IFNAR2: variants seen among roughly 807,000 people sequenced by gnomAD.
The protein encoded by IFNAR2 is interferon alpha and beta receptor subunit 2, also known as interferon alpha/beta receptor 2.
IFNAR2 carries 30 observed loss-of-function variants against 49.4 expected under a neutral mutation model. That is an observed-to-expected ratio of 0.61 (90% CI 0.45 to 0.82). The LOEUF (loss-of-function observed/expected upper bound fraction) is 0.82. IFNAR2 is among the 40% of genes least tolerant of loss of function. The pLI, the probability that IFNAR2 is intolerant of heterozygous loss-of-function variation, is 0.00. For synonymous variants in IFNAR2, 224 were observed against 234.5 expected (o/e 0.96, Z 0.41); for missense variants, 600 against 622.7 (o/e 0.96, Z 0.39).
chr21:33,236,897 C>A (rs1986504107), intron 1 of IFNAR2: 1 of 984,874 alleles, frequency 1.0e-6, no homozygotes, highest in Non-Finnish European at 1.2e-6. Flanking sequence ...GAAGACTGAT[C>A]TATTTGTAGT....
rs143123911 is a variant in IFNAR2 at position 33,257,170 on chromosome 21, A to G, written c.710-3427A>G. 4.6e-5 allele frequency among the ~76,000 whole-genome samples: 7 copies of G among 152,320 alleles called. No homozygotes were observed. In the East Asian group the frequency reaches 1.4e-3, roughly 29 times the overall value. On this transcript the variant is annotated intron_variant, in intron 7 of 8. Coordinates refer to ENST00000342136, the MANE Select transcript of IFNAR2 (RefSeq NM_001289125.3). ...GCCAGTCAGTTACTGGTGGTGATCT[A>G]TGGCATGGCCTCCAGATGAGGCAGC...
chr21:33,252,091 TC>T, intron 6 of IFNAR2: 1 of 441,744 alleles, frequency 2.3e-6, no homozygotes, highest in Admixed American at 2.6e-5. Flanking sequence ...CATCTATCTA[TC>T]TATCTATCTA....
At chr21:33,235,401 GA>G (rs1486247165) in intron 1 of IFNAR2, among the ~76,000 whole-genome samples, 3 of 152,120 alleles carry the variant, frequency 2.0e-5, no homozygotes, top group African/African-American at 7.2e-5. Flanking sequence ...ATAACTCTAG[GA>G]AAAACTGGAA....
At chr21:33,254,859 G>A (rs1216817443) in intron 7 of IFNAR2, among the ~76,000 whole-genome samples, 2 of 152,148 alleles carry the variant, frequency 1.3e-5, no homozygotes, top group East Asian at 3.8e-4. Flanking sequence ...CTGGGGCTGT[G>A]TCATGGGCCA....
At chr21:33,240,809 C>CT (rs35415658) in intron 1 of IFNAR2, among the ~76,000 whole-genome samples, 150,139 of 150,144 alleles carry the variant, frequency 1, 75,067 homozygotes, top group Non-Finnish European at 1. Flanking sequence ...CAGCAAGACC[C>CT]GTCTCAAAAA....
intron 1 of IFNAR2, among the ~76,000 whole-genome samples, chr21:33,240,347 G>A (rs1986829048): frequency 6.6e-6 from 1 of 152,138 alleles, no homozygotes; most frequent in African/African-American, 2.4e-5. Context: ...TTATAGCCTA[G>A]GAACAATAGT....
At chr21:33,255,766 A>G (rs986612793) in intron 7 of IFNAR2, among the ~76,000 whole-genome samples, 3 of 152,174 alleles carry the variant, frequency 2.0e-5, no homozygotes, top group African/African-American at 4.8e-5. Flanking sequence ...ATAGAGGTCA[A>G]ATGGGGGAGC....
chr21:33,252,465 C>T (rs951814936), intron 6 of IFNAR2, 197 bp from the exon 7 acceptor site: 13 of 984,636 alleles, frequency 1.3e-5, no homozygotes, highest in Non-Finnish European at 1.6e-5. Context: ...TGTGTGTGTG[C>T]AGGTGTATAT....
chr21:33,262,680 G>A (rs1261575857), intron 8 of IFNAR2, 113 bp from the exon 9 acceptor site: 3 of 1,448,200 alleles, frequency 2.1e-6, no homozygotes, highest in Non-Finnish European at 2.9e-6. Flanking sequence ...CCAGTAGCTG[G>A]GATTACAAGC....
chr21:33,249,139 T>G (rs1321446819), intron 6 of IFNAR2, among the ~76,000 whole-genome samples: 1 of 150,398 alleles, frequency 6.6e-6, no homozygotes, highest in Non-Finnish European at 1.5e-5. Context: ...AGGTCAGGAG[T>G]TTGAGACCAG....
rs1187571589 is a variant in IFNAR2 at position 33,230,815 on chromosome 21, C to G, written c.-84+599C>G. 6.6e-6 allele frequency among the ~76,000 whole-genome samples: 1 copy of G among 152,098 alleles called. No homozygotes were observed. Among genetic ancestry groups the G allele is most frequent in the African/African-American group, 2.4e-5 (1 of 41,392 alleles). Reference sequence around the variant, plus strand: ...GTGGCCGCGGAGACAGAAGGGTGCACCCTCCCAGGGTCGGAGAGGGGAGAT... The same window carrying G: ...GTGGCCGCGGAGACAGAAGGGTGCAGCCTCCCAGGGTCGGAGAGGGGAGAT... On this transcript the variant is annotated intron_variant, in intron 1 of 8. Transcript: ENST00000342136. The surrounding 1 kb of genome is among the most constrained non-coding windows in gnomAD (Gnocchi z 5.5).
chr21:33,233,061 C>A, intron 1 of IFNAR2: 1 of 447,710 alleles, frequency 2.2e-6, no homozygotes, highest in Non-Finnish European at 3.0e-6. Context: ...AAATATAAAT[C>A]CAATAAAACA....
intron 7 of IFNAR2, 22 bp downstream of exon 7, chr21:33,252,852 C>G: frequency 6.3e-7 from 1 of 1,590,356 alleles, no homozygotes. Context: ...TTTTTAAATT[C>G]ATGTTTTGAG....
At chr21:33,249,597 C>G (rs1247512498) in intron 6 of IFNAR2, among the ~76,000 whole-genome samples, 1 of 152,182 alleles carries the variant, frequency 6.6e-6, no homozygotes, top group Non-Finnish European at 1.5e-5. Flanking sequence ...GGACCTGACT[C>G]TCAGTAACCT....
chr21:33,229,948 T>C lies in IFNAR2; in HGVS notation c.-352T>C, dbSNP rs1345841546. 7.1e-6 allele frequency: 7 copies of C among 983,418 alleles called. No individual in the cohort carries two copies. Among genetic ancestry groups the C allele is most frequent in the Non-Finnish European group, 8.4e-6 (7 of 829,310 alleles). 60.9% of individuals were successfully genotyped at this position (983,418 alleles called of 1,614,324 possible). ...GGCGCCCGCGCTTCCGTATCGCTCC[T>C]CGTAGGCCGGGGCTCGGCGCGCGCA... On this transcript the variant is annotated 5_prime_UTR_variant, in exon 1 of 9. Transcript: ENST00000342136.
In IFNAR2 at chr21:33,263,249, A is replaced by G. The variant is rs1988766436; in HGVS notation, c.1297A>G (p.Arg433Gly). The G allele has an allele frequency of 1.9e-6, 3 of 1,614,038 alleles. No individual in the cohort carries two copies. Among genetic ancestry groups the G allele is most frequent in the Non-Finnish European group, 2.5e-6 (3 of 1,180,042 alleles). The change falls in exon 9 of 9, where the codon AGA becomes GGA. Residue 433 changes from arginine to glycine, a missense_variant. Coordinates refer to ENST00000342136, the MANE Select transcript of IFNAR2 (RefSeq NM_001289125.3). ...TGTGGACTTAAACTCTGTGTTTTTG[A>G]GAGTTCTTGATGACGAGGACAGTGA... ...FNVDLNSVFL[R>G]VLDDEDSDDL...
At position 33,245,018 on chromosome 21, in the gene IFNAR2, A is replaced by C. The variant is rs1453614680; in HGVS notation, c.165A>C (p.Glu55Asp). 3 of 1,610,614 alleles carry C rather than the reference A, an allele frequency of 1.9e-6. No individual in the cohort carries two copies. Among genetic ancestry groups the C allele is most frequent in the East Asian group, 2.2e-5 (1 of 44,864 alleles). Residue 55 changes from glutamate to aspartate, a missense_variant, in exon 4 of 9, where the codon GAA becomes GAC. By Grantham distance (45) the Glu-to-Asp change is conservative (BLOSUM62 2). Coordinates refer to ENST00000342136, the MANE Select transcript of IFNAR2 (RefSeq NM_001289125.3). ...LRNFRSILSW[E>D]LKNHSIVPTH... ...ATTTCCGGTCCATCTTATCATGGGAATTAAAAAACCACTCCATTGTACCAA... is the reference window on the plus strand; with the variant it reads ...ATTTCCGGTCCATCTTATCATGGGACTTAAAAAACCACTCCATTGTACCAA...
chr21:33,255,104 A>G (rs927940023), intron 7 of IFNAR2, among the ~76,000 whole-genome samples: 3 of 152,238 alleles, frequency 2.0e-5, no homozygotes, highest in Non-Finnish European at 4.4e-5. Context: ...CATGTCAAAC[A>G]CCTTTAGCGT....
At chr21:33,253,953 ACTGT>A (rs1324812317) in intron 7 of IFNAR2, among the ~76,000 whole-genome samples, 1 of 152,122 alleles carries the variant, frequency 6.6e-6, no homozygotes, top group Non-Finnish European at 1.5e-5. Context: ...CAATGCCTAG[ACTGT>A]CTGGGAATGC....
Sources: gnomAD v4.1 joint callset for allele counts (sites outside exome capture counted in the v4.1 genomes callset) on GRCh38, gnomAD v4.1.1 for gene constraint, Gnocchi (gnomAD v3.1) non-coding constraint, MANE v1.5 for transcripts, NCBI Gene and HGNC (gene_info 2026-07-23, HGNC 2026-07-21) for gene names.